CDH10: variants seen among roughly 807,000 people sequenced by gnomAD.
CDH10 encodes cadherin 10, also known as cadherin-10.
A neutral mutation model predicts 73.1 loss-of-function variants in CDH10; 30 were observed. That is an observed-to-expected ratio of 0.41 (90% confidence interval 0.31 to 0.56). CDH10 has a LOEUF of 0.56. CDH10 is among the 20% of genes least tolerant of loss of function. The probability of loss-of-function intolerance (pLI) is 0.27; values close to 1 mark genes in which losing one functional copy is unlikely to be tolerated. For missense variants in CDH10, 815 were observed against 973.7 expected (o/e 0.84, Z 2.17); for synonymous variants, 345 against 348.2 (o/e 0.99, Z 0.10).
intron 7 of CDH10, among the ~76,000 whole-genome samples, chr5:24,507,623 T>A (rs1742745460): frequency 6.6e-6 from 1 of 152,212 alleles, no homozygotes; most frequent in African/African-American, 2.4e-5. Flanking sequence ...ATATTATATT[T>A]TATTTTGTAA....
At chr5:24,523,525 T>C (rs748804883) in intron 5 of CDH10, among the ~76,000 whole-genome samples, 9 of 152,178 alleles carry the variant, frequency 5.9e-5, no homozygotes, top group African/African-American at 9.6e-5. Context: ...CTTTGTTCCA[T>C]TAATTTTACT....
chr5:24,585,330 A>T (rs1375640184), intron 2 of CDH10, among the ~76,000 whole-genome samples: 1 of 152,172 alleles, frequency 6.6e-6, no homozygotes, highest in Non-Finnish European at 1.5e-5. Context: ...CAACAAGATC[A>T]GTCATCAATT....
chr5:24,561,293 T>C (rs1408724287), intron 2 of CDH10, among the ~76,000 whole-genome samples: 1 of 152,152 alleles, frequency 6.6e-6, no homozygotes, highest in Non-Finnish European at 1.5e-5. Flanking sequence ...TATCCTATAC[T>C]AGTCATTGCA....
At chr5:24,551,520 A>T (rs991261163) in intron 2 of CDH10, among the ~76,000 whole-genome samples, 9 of 152,188 alleles carry the variant, frequency 5.9e-5, no homozygotes, top group South Asian at 4.1e-4. Flanking sequence ...TTTGTATCTT[A>T]CTCAAAAATT....
intron 2 of CDH10, among the ~76,000 whole-genome samples, chr5:24,542,160 ATCTAGTT>A (rs2111914832): frequency 1.3e-5 from 2 of 152,166 alleles, no homozygotes; most frequent in East Asian, 3.8e-4. Context: ...CTTACAGCCT[ATCTAGTT>A]TAAGACCATT....
At chr5:24,563,857 A>C (rs1446034466) in intron 2 of CDH10, among the ~76,000 whole-genome samples, 1 of 152,020 alleles carries the variant, frequency 6.6e-6, no homozygotes, top group Non-Finnish European at 1.5e-5. Context: ...CAATCAATTA[A>C]TAAATTATAT....
rs865812173 is a variant in CDH10 at position 24,512,423 on chromosome 5, T to C, written c.815-909A>G. Among the ~76,000 whole-genome samples, 44 of 152,352 alleles carry C rather than the reference T, an allele frequency of 2.9e-4. 1 individual carries two copies. The highest frequency in any genetic ancestry group is 3.4e-3 in the Middle Eastern group (1 of 294). On this transcript the variant is annotated intron_variant, in intron 5 of 11. Transcript: ENST00000264463. ...AATGTTTCTATGTAGTTGTTTTTAC[T>C]ATGCTATATTTAGTTATTTACTACT...
At position 24,626,295 on chromosome 5, in the gene CDH10, T is replaced by G. The variant is rs1747497532; in HGVS notation, c.-124+18299A>C. ...ATTTTTTCTCTATATGGGAAAATTT[T>G]TACATAATTCTCATAATTCACCATT... On this transcript the variant is annotated intron_variant, in intron 1 of 11. Coordinates refer to ENST00000264463, the MANE Select transcript of CDH10 (RefSeq NM_006727.5). Among the ~76,000 whole-genome samples the G allele has an allele frequency of 2.6e-5, 4 of 152,122 alleles. No homozygotes were observed. In the South Asian group the frequency reaches 8.3e-4, roughly 31 times the overall value.
At chr5:24,618,335 G>A (rs1747193506) in intron 1 of CDH10, among the ~76,000 whole-genome samples, 1 of 152,158 alleles carries the variant, frequency 6.6e-6, no homozygotes. Flanking sequence ...CTGTTGCAGA[G>A]TAAATCATGT....
chr5:24,610,703 C>T (rs769927371), intron 1 of CDH10, among the ~76,000 whole-genome samples: 5 of 152,120 alleles, frequency 3.3e-5, no homozygotes, highest in Non-Finnish European at 5.9e-5. Flanking sequence ...GTTCTCAGTT[C>T]AAATCCTCAA....
chr5:24,523,967 T>TTG (rs1413881139), intron 5 of CDH10, among the ~76,000 whole-genome samples: 1 of 151,942 alleles, frequency 6.6e-6, no homozygotes, highest in African/African-American at 2.4e-5. Context: ...TATAGATGGG[T>TTG]TGTGTGTGTG....
chr5:24,569,315 T>C (rs778854684), intron 2 of CDH10, among the ~76,000 whole-genome samples: 1 of 152,252 alleles, frequency 6.6e-6, no homozygotes, highest in South Asian at 2.1e-4. Context: ...TAGATAGTAA[T>C]GATGTTTGCA....
intron 7 of CDH10, among the ~76,000 whole-genome samples, chr5:24,508,308 T>C (rs1228172603): frequency 6.6e-6 from 1 of 152,230 alleles, no homozygotes; most frequent in Non-Finnish European, 1.5e-5. Context: ...CATTGATTCT[T>C]TTTCATTTTC....
intron 2 of CDH10, among the ~76,000 whole-genome samples, chr5:24,575,279 TTG>T (rs200716245): frequency 0.38 from 56,337 of 148,946 alleles, 12,941 homozygotes; most frequent in East Asian, 0.53. Flanking sequence ...TGAGAATCGC[TTG>T]AACCCGGGAG....
chr5:24,574,576 T>A (rs933072778), intron 2 of CDH10, among the ~76,000 whole-genome samples: 2 of 151,904 alleles, frequency 1.3e-5, no homozygotes, highest in Non-Finnish European at 2.9e-5. Flanking sequence ...CTGATGCCAC[T>A]CCAGATCTGA....
rs1019493053 is a variant in CDH10, at chr5:24,615,530, T to C, written c.-123-21917A>G. Reference sequence around the variant, plus strand: ...AGAACAGTGCTTAGTATATTGTAGGTATGGAAAAAACGGAACAAAACAGAT... The same window carrying C: ...AGAACAGTGCTTAGTATATTGTAGGCATGGAAAAAACGGAACAAAACAGAT... On this transcript the variant is annotated intron_variant, in intron 1 of 11. Coordinates refer to ENST00000264463, the MANE Select transcript of CDH10 (RefSeq NM_006727.5). Among the ~76,000 whole-genome samples the C allele has an allele frequency of 2.6e-5, 4 of 152,176 alleles. No homozygotes were observed. The East Asian group carries it at 7.7e-4, about 29-fold the overall frequency.
intron 1 of CDH10, among the ~76,000 whole-genome samples, chr5:24,624,888 A>T (rs1269174187): frequency 1.3e-5 from 2 of 152,176 alleles, no homozygotes; most frequent in African/African-American, 4.8e-5. Context: ...ACAGGAAGAC[A>T]ACTAAACTAT....
At chr5:24,601,756 C>T (rs1255360107) in intron 1 of CDH10, among the ~76,000 whole-genome samples, 1 of 151,304 alleles carries the variant, frequency 6.6e-6, no homozygotes, top group Non-Finnish European at 1.5e-5. Flanking sequence ...AAGAATTGTG[C>T]CAGTGGAAGG....
At position 24,512,540 on chromosome 5, in the gene CDH10, G is replaced by C. The variant is rs143210478; in HGVS notation, c.815-1026C>G. The stretch of plus-strand genomic sequence containing the variant: ...ATCCTATTTCTTACTTGTGACAGCA[G>C]GAACAAAGGACAGTCTGTGGAAAAA... On this transcript the variant is annotated intron_variant, in intron 5 of 11. Coordinates refer to ENST00000264463, the MANE Select transcript of CDH10 (RefSeq NM_006727.5). Among the ~76,000 whole-genome samples the C allele has an allele frequency of 2.8e-4, 42 of 152,242 alleles. 1 individual carries two copies. The East Asian group carries it at 6.8e-3, about 25-fold the overall frequency.
Sources: gnomAD v4.1 joint callset for allele counts (sites outside exome capture counted in the v4.1 genomes callset) on GRCh38, gnomAD v4.1.1 for gene constraint, MANE v1.5 for transcripts, NCBI Gene and HGNC (gene_info 2026-07-23, HGNC 2026-07-21) for gene names.